FAM90A1: variants seen among roughly 807,000 people sequenced by gnomAD.
FAM90A1 encodes protein FAM90A1.
A neutral mutation model predicts 14.8 loss-of-function variants in FAM90A1; 10 were observed. That is an observed-to-expected ratio of 0.67 (90% CI 0.42 to 1.14). FAM90A1 has a LOEUF of 1.14. Among genes scored for constraint, FAM90A1 ranks in the 50% most tolerant of loss-of-function variants. FAM90A1 has a pLI of 0.00. For missense variants in FAM90A1, 567 were observed against 602.8 expected (o/e 0.94, Z 0.62); for synonymous variants, 236 against 248.4 (o/e 0.95, Z 0.47).
In FAM90A1 at chr12:8,221,327, A is replaced by G. The variant is rs1175871923; in HGVS notation, c.*495T>C. Reference sequence around the variant, plus strand: ...ACACCTATTTACAAAGGGATTCCAGAGCCCACTTTTCGAGGCTGAGGAAAG... The same window carrying G: ...ACACCTATTTACAAAGGGATTCCAGGGCCCACTTTTCGAGGCTGAGGAAAG... On this transcript the variant is annotated 3_prime_UTR_variant, in exon 7 of 7. Coordinates refer to ENST00000538603, the MANE Select transcript of FAM90A1 (RefSeq NM_018088.3). 11 of 203,970 alleles carry G rather than the reference A, an allele frequency of 5.4e-5. No homozygotes were observed. The highest frequency in any genetic ancestry group is 4.0e-5 in the Non-Finnish European group (4 of 100,534). The allele number at this position is 203,970 out of a possible 1,614,324, so 12.6% of individuals were successfully genotyped here. A position where few individuals can be genotyped will look rare whatever the true frequency, so the allele number is the denominator to read the frequency against.
At position 8,221,686 on chromosome 12, in the gene FAM90A1, C is replaced by A; in HGVS notation, c.*136G>T. 1.0e-6 allele frequency: 1 copy of A among 1,002,054 alleles called. No homozygotes were observed. The highest frequency in any genetic ancestry group is 1.5e-6 in the Non-Finnish European group (1 of 677,932). The allele number at this position is 1,002,054 out of a possible 1,614,324, so 62.1% of individuals were successfully genotyped here. A position where few individuals can be genotyped will look rare whatever the true frequency, so the allele number is the denominator to read the frequency against. On this transcript the variant is annotated 3_prime_UTR_variant, in exon 7 of 7. Coordinates refer to ENST00000538603, the MANE Select transcript of FAM90A1 (RefSeq NM_018088.3). ...GCTCCCTGCCTGGCCTGGGCTCCCACATCCACAGAAGGGCCACAGCCGGGG... is the reference window on the plus strand; with the variant it reads ...GCTCCCTGCCTGGCCTGGGCTCCCAAATCCACAGAAGGGCCACAGCCGGGG...
intron 3 of FAM90A1, among the ~76,000 whole-genome samples, chr12:8,225,515 C>T (rs900996944): frequency 4.6e-5 from 7 of 152,204 alleles, no homozygotes; most frequent in East Asian, 3.8e-4. Context: ...TCTAAACGAA[C>T]GGTGAACAAG....
At position 8,222,040 on chromosome 12, in the gene FAM90A1, T is replaced by C. The variant is rs762356892; in HGVS notation, c.1177A>G (p.Arg393Gly). Reference protein sequence around the residue: ...AASHDGAQPLRVLFRRLENGR... With the variant: ...AASHDGAQPLGVLFRRLENGR... ...TTTTCCAGTCTCCGAAAGAGCACTC[T>C]GAGAGGCTGGGCCCCATCATGGCTG... Residue 393 changes from arginine to glycine, a missense_variant, in exon 7 of 7, where the codon AGA becomes GGA. By Grantham distance (125) the Arg-to-Gly change is moderately radical. Transcript: ENST00000538603. 1 of 1,603,940 alleles carries C rather than the reference T, an allele frequency of 6.2e-7. No individual in the cohort carries two copies. Among genetic ancestry groups the C allele is most frequent in the Non-Finnish European group, 8.5e-7 (1 of 1,179,944 alleles).
intron 3 of FAM90A1, among the ~76,000 whole-genome samples, chr12:8,225,534 C>A (rs1363593003): frequency 6.6e-6 from 1 of 152,220 alleles, no homozygotes; most frequent in Non-Finnish European, 1.5e-5. Context: ...AGTGCCATAT[C>A]GTATCAATGT....
At position 8,225,571 on chromosome 12, in the gene FAM90A1, C is replaced by A. The variant is rs745741536; in HGVS notation, c.-57+265G>T. 5.3e-4 allele frequency among the ~76,000 whole-genome samples: 81 copies of A among 152,334 alleles called. No homozygotes were observed. In the South Asian group the frequency reaches 0.016, roughly 30 times the overall value. The stretch of plus-strand genomic sequence containing the variant: ...TTACACGGCTGAAGGGCAAACCACC[C>A]TTTTTTCCAAAGTCCTTTTTCCATT... On this transcript the variant is annotated intron_variant, in intron 3 of 6. Coordinates refer to ENST00000538603, the MANE Select transcript of FAM90A1 (RefSeq NM_018088.3).
intron 5 of FAM90A1, among the ~76,000 whole-genome samples, 168 bp from the exon 6 acceptor site, chr12:8,223,725 G>C (rs1361946268): frequency 3.3e-5 from 5 of 152,110 alleles, no homozygotes; most frequent in Non-Finnish European, 7.4e-5. Context: ...CCATCCTCCA[G>C]GTGGCCCTCT....
At chr12:8,224,560 A>G in intron 4 of FAM90A1, 150 bp downstream of exon 4, 2 of 762,852 alleles carry the variant, frequency 2.6e-6, no homozygotes, top group South Asian at 1.8e-5. Flanking sequence ...AGGAGGTCCC[A>G]AGCCACGCCC....
At chr12:8,225,204 AG>A (rs1241042612) in intron 3 of FAM90A1, among the ~76,000 whole-genome samples, 1 of 152,254 alleles carries the variant, frequency 6.6e-6, no homozygotes, top group Non-Finnish European at 1.5e-5. Context: ...TCACTCCGGT[AG>A]AAGACACGAT....
At position 8,222,333 on chromosome 12, in the gene FAM90A1, G is replaced by T. The variant is rs182789716; in HGVS notation, c.884C>A (p.Pro295Gln). The T allele has an allele frequency of 1.3e-4, 207 of 1,611,132 alleles. No homozygotes were observed. The highest frequency in any genetic ancestry group is 1.6e-4 in the Non-Finnish European group (190 of 1,179,594). Residue 295 changes from proline to glutamine, a missense_variant, in exon 7 of 7, where the codon CCG becomes CAG. Transcript: ENST00000538603. ...GTTCAGGCAAGCCTGAATCGGAGCCGGGGCAGATCTCTTGGCTCCTGGCCC... is the reference window on the plus strand; with the variant it reads ...GTTCAGGCAAGCCTGAATCGGAGCCTGGGCAGATCTCTTGGCTCCTGGCCC... ...SFGPGAKRSA[P>Q]APIQACLNFP...
chr12:8,225,270 T>C (rs1408539960), intron 3 of FAM90A1, among the ~76,000 whole-genome samples: 14 of 152,380 alleles, frequency 9.2e-5, no homozygotes, highest in East Asian at 3.9e-4. Context: ...ATGGCGTGTG[T>C]CACCCTTTGG....
intron 2 of FAM90A1, 40 bp from the exon 3 acceptor site, chr12:8,226,032 G>C (rs7302378): frequency 0.41 from 59,478 of 146,124 alleles, 10,258 homozygotes; most frequent in African/African-American, 0.52. Context: ...GTTACATGTA[G>C]GTTAATTACA....
rs1180590696 is a variant in FAM90A1 at position 8,225,900 on chromosome 12, C to G, written c.-121G>C. Reference sequence around the variant, plus strand: ...GAGATGGGCAGGTGCTGGAGCAGCCCCGCTGGAAGCGATGCAGCATCCAGG... The same window carrying G: ...GAGATGGGCAGGTGCTGGAGCAGCCGCGCTGGAAGCGATGCAGCATCCAGG... On this transcript the variant is annotated 5_prime_UTR_variant, in exon 3 of 7. Coordinates refer to ENST00000538603, the MANE Select transcript of FAM90A1 (RefSeq NM_018088.3). The G allele has an allele frequency of 6.6e-6, 1 of 152,246 alleles. No individual in the cohort carries two copies. The highest frequency in any genetic ancestry group is 1.5e-5 in the Non-Finnish European group (1 of 68,058). The allele number at this position is 152,246 out of a possible 1,614,324, so 9.4% of individuals were successfully genotyped here.
At position 8,224,180 on chromosome 12, in the gene FAM90A1, C is replaced by T. The variant is rs764378608; in HGVS notation, c.159G>A (p.Thr53=). 1.7e-5 allele frequency: 27 copies of T among 1,611,874 alleles called. No homozygotes were observed. The highest frequency in any genetic ancestry group is 2.2e-4 in the Middle Eastern group (1 of 4,452). ...TCATGGGGCACCTGGTACTTCTGGC[C>T]GTGTGGCCAAAGGCCTCACAGTTTT... ...KCKNCEAFGH[T]ARSTRCPMKC... The change falls in exon 5 of 7, where the codon ACG becomes ACA. Residue 53 remains threonine, a synonymous_variant. Transcript: ENST00000538603.
intron 6 of FAM90A1, 73 bp from the exon 7 acceptor site, chr12:8,222,857 A>G (rs1948865707): frequency 2.0e-6 from 3 of 1,496,358 alleles, no homozygotes; most frequent in Middle Eastern, 2.3e-4. Context: ...CCACATCCAA[A>G]GACAAGGTGC....
intron 3 of FAM90A1, 54 bp downstream of exon 3, chr12:8,225,782 C>G (rs1033829007): frequency 1.3e-5 from 2 of 151,772 alleles, no homozygotes; most frequent in Non-Finnish European, 1.5e-5. Context: ...TGTCTCTTTT[C>G]CCCCCCACCC....
rs1295754692 is a variant in FAM90A1, at chr12:8,222,731, G to T, written c.486C>A (p.Asp162Glu). The change falls in exon 7 of 7, where the codon GAC (aspartate) becomes GAA (glutamate). Residue 162 changes from aspartate (D) to glutamate (E), a missense_variant. Coordinates refer to ENST00000538603, the MANE Select transcript of FAM90A1 (RefSeq NM_018088.3). Reference sequence around the variant, plus strand: ...TAGCTGAGCGATCAGAGAGGACAGGGTCCACACGCGGCCTCTTACTGGTTG... The same window carrying T: ...TAGCTGAGCGATCAGAGAGGACAGGTTCCACACGCGGCCTCTTACTGGTTG... The part of the protein sequence containing the change: ...VHTTSKRPRV[D>E]PVLSDRSATE... 1 of 1,604,486 alleles carries T rather than the reference G, an allele frequency of 6.2e-7. No homozygotes were observed. The highest frequency in any genetic ancestry group is 1.3e-5 in the African/African-American group (1 of 74,970).
In FAM90A1 at chr12:8,227,512, C is replaced by CT. The variant is rs1319523153; in HGVS notation, c.-454dup. 1 of 824,374 alleles carries CT rather than the reference C, an allele frequency of 1.2e-6. No individual in the cohort carries two copies. Among genetic ancestry groups the CT allele is most frequent in the African/African-American group, 1.8e-5 (1 of 55,954 alleles). 51.1% of individuals were successfully genotyped at this position (824,374 alleles called of 1,614,324 possible). A position where few individuals can be genotyped will look rare whatever the true frequency, so the allele number is the denominator to read the frequency against. ...TGTTTTCAAGCCCGAGGCCAGCTGG[C>CT]TGCAGGTGCAGGGCTATGCGTCAGG... On this transcript the variant is annotated 5_prime_UTR_variant, in exon 1 of 7. Coordinates refer to ENST00000538603, the MANE Select transcript of FAM90A1 (RefSeq NM_018088.3).
In FAM90A1 at chr12:8,224,360, G is replaced by A. The variant is rs141396491; in HGVS notation, c.124-145C>T. The A allele has an allele frequency of 8.7e-3, 6,882 of 786,982 alleles. 339 individuals are homozygous for A. In the African/African-American group the frequency reaches 0.11, roughly 12 times the overall value. The allele number at this position is 786,982 out of a possible 1,614,324, so 48.7% of individuals were successfully genotyped here. A position where few individuals can be genotyped will look rare whatever the true frequency, so the allele number is the denominator to read the frequency against. On this transcript the variant is annotated intron_variant, in intron 4 of 6. Transcript: ENST00000538603. ...CGGCATGGGGGCCGTTAAGTGCTGG[G>A]AGAGTTCGGATACGATGTTCCCTCC...
At position 8,225,830 on chromosome 12, in the gene FAM90A1, A is replaced by G. The variant is rs1381270675; in HGVS notation, c.-57+6T>C. 3.3e-5 allele frequency: 5 copies of G among 152,092 alleles called. No individual in the cohort carries two copies. The highest frequency in any genetic ancestry group is 7.3e-5 in the Non-Finnish European group (5 of 68,028). 9.4% of individuals were successfully genotyped at this position (152,092 alleles called of 1,614,324 possible). ...GTGAAACAAACAACTGTTCAGTGAA[A>G]CTAACCTGAAATTACACGTCTACTT... On this transcript the variant is annotated splice_donor_region_variant and intron_variant, in intron 3 of 6. Coordinates refer to ENST00000538603, the MANE Select transcript of FAM90A1 (RefSeq NM_018088.3).
Sources: allele counts gnomAD v4.1 joint callset (sites outside exome capture counted in the v4.1 genomes callset), GRCh38; gene constraint gnomAD v4.1.1; transcripts MANE v1.5; gene names NCBI Gene and HGNC (gene_info 2026-07-23, HGNC 2026-07-21).